Variants in RANBP17 observed in about 807,000 individuals in gnomAD.
RANBP17 encodes ran-binding protein 17.
Under a neutral mutation model 141.2 loss-of-function variants are expected in RANBP17, and 158 were observed. That is an observed-to-expected ratio of 1.12 (90% CI 0.98 to 1.28). The LOEUF is 1.28. Ranked by LOEUF, RANBP17 falls within the 50% of genes most tolerant of loss-of-function variation. RANBP17 has a pLI of 0.00. For missense variants in RANBP17, 1,438 were observed against 1,290.7 expected (o/e 1.11, Z -1.75); for synonymous variants, 430 against 450.0 (o/e 0.96, Z 0.56).
intron 8 of RANBP17, among the ~76,000 whole-genome samples, chr5:170,914,589 C>T (rs1219212214): frequency 6.6e-6 from 1 of 152,132 alleles, no homozygotes; most frequent in Non-Finnish European, 1.5e-5. Flanking sequence ...CCTTCTACTA[C>T]CCTTCTCTAA....
chr5:170,925,580 C>T (rs989003324), intron 12 of RANBP17, among the ~76,000 whole-genome samples: 5 of 152,076 alleles, frequency 3.3e-5, no homozygotes, highest in African/African-American at 1.2e-4. Context: ...ACACTATTAC[C>T]TTGCTTAAAG....
At chr5:170,897,366 T>G (rs1467629465) in intron 5 of RANBP17, 1 of 497,764 alleles carries the variant, frequency 2.0e-6, no homozygotes, top group East Asian at 5.0e-5. Context: ...CTTCTTTTTT[T>G]TTTTTAAATA....
At chr5:171,257,762 A>G (rs1765997787) in intron 24 of RANBP17, among the ~76,000 whole-genome samples, 1 of 152,134 alleles carries the variant, frequency 6.6e-6, no homozygotes, top group Non-Finnish European at 1.5e-5. Flanking sequence ...ACCAATAATG[A>G]TCTATCCGAG....
At chr5:171,006,402 A>G (rs1252964120) in intron 14 of RANBP17, among the ~76,000 whole-genome samples, 1 of 152,230 alleles carries the variant, frequency 6.6e-6, no homozygotes, top group Non-Finnish European at 1.5e-5. Context: ...TACACCATGG[A>G]ATACTATGCA....
At chr5:171,030,259 A>G (rs891246983) in intron 14 of RANBP17, among the ~76,000 whole-genome samples, 5 of 152,078 alleles carry the variant, frequency 3.3e-5, no homozygotes, top group Admixed American at 2.0e-4. Context: ...GCAAGAGAAC[A>G]TTTCTTTGGC....
chr5:170,882,228 C>T (rs1021384319), intron 3 of RANBP17, among the ~76,000 whole-genome samples: 2 of 152,036 alleles, frequency 1.3e-5, no homozygotes, highest in African/African-American at 2.4e-5. Context: ...ACTACAGGTG[C>T]ACGCTACCAC....
chr5:171,147,540 C>T (rs1447116869), intron 14 of RANBP17, among the ~76,000 whole-genome samples: 2 of 151,394 alleles, frequency 1.3e-5, no homozygotes, highest in Middle Eastern at 3.4e-3. Flanking sequence ...CTCAGCCTTC[C>T]GAGTAGCTGG....
chr5:171,131,458 T>C (rs1040011357), intron 14 of RANBP17, among the ~76,000 whole-genome samples: 1 of 152,212 alleles, frequency 6.6e-6, no homozygotes, highest in Non-Finnish European at 1.5e-5. Context: ...AGATGGCTTA[T>C]GAATTAAAAG....
intron 14 of RANBP17, among the ~76,000 whole-genome samples, chr5:171,082,923 T>C (rs1158927583): frequency 6.6e-6 from 1 of 151,656 alleles, no homozygotes; most frequent in African/African-American, 2.4e-5. Flanking sequence ...TATTTACTTC[T>C]TGTTTCAAGG....
chr5:171,253,060 A>AT, intron 24 of RANBP17: 1 of 890,654 alleles, frequency 1.1e-6, no homozygotes, highest in South Asian at 1.4e-5. Context: ...TCAAGCACTG[A>AT]TTTTTCAAGA....
intron 24 of RANBP17, among the ~76,000 whole-genome samples, chr5:171,257,340 A>T (rs1277949278): frequency 6.6e-6 from 1 of 152,186 alleles, no homozygotes; most frequent in Non-Finnish European, 1.5e-5. Context: ...ATGCAGAAAA[A>T]CCATTTGATA....
At chr5:170,930,722 C>A (rs193169881) in intron 12 of RANBP17, among the ~76,000 whole-genome samples, 1 of 152,056 alleles carries the variant, frequency 6.6e-6, no homozygotes, top group African/African-American at 2.4e-5. Flanking sequence ...CATCCATGTC[C>A]CTATAAAGGA....
chr5:171,011,968 A>C (rs1022896407), intron 14 of RANBP17, among the ~76,000 whole-genome samples: 14 of 151,934 alleles, frequency 9.2e-5, no homozygotes, highest in African/African-American at 3.4e-4. Flanking sequence ...TGTTTTGTAG[A>C]AAGTCGTACT....
At chr5:170,864,952 A>G (rs532818362) in intron 1 of RANBP17, among the ~76,000 whole-genome samples, 2 of 152,294 alleles carry the variant, frequency 1.3e-5, no homozygotes, top group South Asian at 4.1e-4. Flanking sequence ...TTTATGATTT[A>G]TTGTGGATCT....
At chr5:171,010,037 G>A (rs1779923931) in intron 14 of RANBP17, among the ~76,000 whole-genome samples, 1 of 152,152 alleles carries the variant, frequency 6.6e-6, no homozygotes, top group Non-Finnish European at 1.5e-5. Flanking sequence ...TTAGGGCAAT[G>A]AAAGCAGGTG....
At chr5:171,265,589 A>C in intron 24 of RANBP17, 92 bp from the exon 25 acceptor site, 1 of 1,203,924 alleles carries the variant, frequency 8.3e-7, no homozygotes, top group Non-Finnish European at 1.2e-6. Flanking sequence ...CTTTGAAACC[A>C]GAAAGTAATT....
chr5:171,033,884 C>T (rs1482484381), intron 14 of RANBP17, among the ~76,000 whole-genome samples: 7 of 151,988 alleles, frequency 4.6e-5, no homozygotes, highest in Non-Finnish European at 1.0e-4. Context: ...TTTGATACCA[C>T]GACAATTTAA....
At chr5:171,007,333 G>A (rs1039445976) in intron 14 of RANBP17, among the ~76,000 whole-genome samples, 8 of 149,046 alleles carry the variant, frequency 5.4e-5, no homozygotes, top group Non-Finnish European at 1.2e-4. Flanking sequence ...GCTAGTTGCA[G>A]AAAGAAACTG....
At chr5:171,227,855 C>T (rs1254631457) in intron 22 of RANBP17, among the ~76,000 whole-genome samples, 3 of 152,126 alleles carry the variant, frequency 2.0e-5, no homozygotes, top group Admixed American at 2.0e-4. Flanking sequence ...AGAAGTATAG[C>T]AACAAAGACT....
Sources: gnomAD v4.1 joint callset for allele counts (sites outside exome capture counted in the v4.1 genomes callset) on GRCh38, gnomAD v4.1.1 for gene constraint, MANE v1.5 for transcripts, NCBI Gene and HGNC (gene_info 2026-07-23, HGNC 2026-07-21) for gene names.